Variants in CNGA1 observed in about 807,000 individuals in gnomAD.
CNGA1 encodes cyclic nucleotide gated channel subunit alpha 1, also known as cyclic nucleotide-gated channel alpha-1.
In CNGA1, 53 loss-of-function variants were observed where a neutral mutation model predicts 69.7. The ratio of observed to expected loss-of-function variants is 0.76; its 90% CI spans 0.61 to 0.96. The LOEUF (loss-of-function observed/expected upper bound fraction) is 0.96. Among genes scored for constraint, CNGA1 ranks in the 40% least tolerant of loss-of-function variants. The pLI, the probability that CNGA1 is intolerant of heterozygous loss-of-function variation, is 0.00. For synonymous variants in CNGA1, 249 were observed against 283.5 expected (o/e 0.88, Z 1.22); for missense variants, 739 against 811.2 (o/e 0.91, Z 1.08).
intron 2 of CNGA1, among the ~76,000 whole-genome samples, chr4:48,010,295 C>T (rs1715098275): frequency 6.6e-6 from 1 of 152,176 alleles, no homozygotes; most frequent in African/African-American, 2.4e-5. Flanking sequence ...AACTGGATCT[C>T]TAAGCTCTGG....
chr4:47,940,320 A>G (rs182039425), intron 10 of CNGA1, among the ~76,000 whole-genome samples: 1 of 152,362 alleles, frequency 6.6e-6, no homozygotes, highest in African/African-American at 2.4e-5. Flanking sequence ...CCTCTGGTCA[A>G]TAATATCTCA....
chr4:47,937,935 T>A (rs1738779955), intron 10 of CNGA1, 106 bp from the exon 11 acceptor site: 2 of 806,910 alleles, frequency 2.5e-6, no homozygotes, highest in Non-Finnish European at 4.1e-6. Flanking sequence ...GAAAAATTCA[T>A]TTTCAATAAA....
chr4:47,939,846 A>G (rs560905026), intron 10 of CNGA1, among the ~76,000 whole-genome samples: 1 of 152,280 alleles, frequency 6.6e-6, no homozygotes, highest in East Asian at 1.9e-4. Context: ...CACGCTAGCA[A>G]TGTGCCTAAT....
chr4:47,972,246 C>A (rs1326635736), intron 3 of CNGA1, among the ~76,000 whole-genome samples: 9 of 151,792 alleles, frequency 5.9e-5, no homozygotes, highest in African/African-American at 2.2e-4. Flanking sequence ...TATTTTGTTC[C>A]CCTTTTCTAT....
At chr4:47,949,784 G>T in intron 6 of CNGA1, 49 bp downstream of exon 6, 1 of 1,412,644 alleles carries the variant, frequency 7.1e-7, no homozygotes, top group South Asian at 1.2e-5. Flanking sequence ...CATTTTTACT[G>T]GTTTTCTTTA....
Position 47,937,762 on chromosome 4 carries a change from C to A in CNGA1, c.720G>T (p.Leu240Phe), listed in dbSNP as rs773914693. 6.2e-7 allele frequency: 1 copy of A among 1,613,668 alleles called. No individual in the cohort carries two copies. Among genetic ancestry groups the A allele is most frequent in the Admixed American group, 1.7e-5 (1 of 59,986 alleles). Residue 240 changes from leucine to phenylalanine, a missense_variant, in exon 11 of 11, where the codon TTG becomes TTT. Physicochemically the swap from Leu to Phe is conservative, Grantham distance 22. Coordinates refer to ENST00000514170, the MANE Select transcript of CNGA1 (RefSeq NM_001379270.1). Reference sequence around the variant, plus strand: ...GTGACAGAACATCAAGTTTAAATTGCAAGTTGGATTTATATTTATTTATGA... The same window carrying A: ...GTGACAGAACATCAAGTTTAAATTGAAAGTTGGATTTATATTTATTTATGA... ...LKLINKYKSNLQFKLDVLSLI... is the reference protein window; with the variant it reads ...LKLINKYKSNFQFKLDVLSLI...
intron 3 of CNGA1, among the ~76,000 whole-genome samples, chr4:47,955,343 T>C (rs1808853): frequency 0.86 from 131,004 of 151,852 alleles, 56,992 homozygotes; most frequent in East Asian, 0.98. Context: ...CCACCACGCC[T>C]GGCTAATTTT....
chr4:48,005,034 A>C (rs1312189285), intron 2 of CNGA1, among the ~76,000 whole-genome samples: 1 of 152,206 alleles, frequency 6.6e-6, no homozygotes, highest in Non-Finnish European at 1.5e-5. Flanking sequence ...TAGTTTTTGA[A>C]ACATAATTTT....
intron 3 of CNGA1, among the ~76,000 whole-genome samples, chr4:47,975,069 CAGAA>C (rs1476250215): frequency 2.6e-5 from 4 of 152,044 alleles, no homozygotes; most frequent in Non-Finnish European, 4.4e-5. Context: ...TCTCTAAGTT[CAGAA>C]AGAGAGAACC....
At chr4:47,990,687 T>C (rs2581493) in intron 2 of CNGA1, among the ~76,000 whole-genome samples, 123,737 of 151,946 alleles carry the variant, frequency 0.81, 50,900 homozygotes, top group Non-Finnish European at 0.88. Context: ...GTCACCATCA[T>C]GGTCCTACTA....
intron 6 of CNGA1, among the ~76,000 whole-genome samples, chr4:47,949,198 C>CCCTTGGCTGG (rs1297490857): frequency 1.3e-5 from 2 of 152,178 alleles, no homozygotes; most frequent in Non-Finnish European, 2.9e-5. Flanking sequence ...TTTTTCCTCT[C>CCCTTGGCTGG]CCTTGGCTGG....
At chr4:48,001,486 C>G (rs2077958662) in intron 2 of CNGA1, among the ~76,000 whole-genome samples, 1 of 152,092 alleles carries the variant, frequency 6.6e-6, no homozygotes, top group South Asian at 2.1e-4. Context: ...GCTAATAACA[C>G]AGCTGATTTA....
intron 2 of CNGA1, among the ~76,000 whole-genome samples, chr4:48,005,337 C>T (rs142666133): frequency 1.1e-3 from 173 of 152,094 alleles, no homozygotes; most frequent in Non-Finnish European, 2.0e-3. Context: ...AGGCTGGTCT[C>T]GAACTCCTGA....
chr4:47,982,128 T>C (rs977302781), intron 2 of CNGA1, among the ~76,000 whole-genome samples: 3 of 152,158 alleles, frequency 2.0e-5, no homozygotes, highest in African/African-American at 7.2e-5. Context: ...AACCTAAAAG[T>C]AAATTTCCCT....
chr4:48,012,558 CTTTTTTTT>C (rs528643370), intron 1 of CNGA1, among the ~76,000 whole-genome samples: 38 of 64,988 alleles, frequency 5.8e-4, no homozygotes, highest in Admixed American at 2.7e-3. Context: ...ACCACACCAT[CTTTTTTTT>C]TTTTTTTTTT....
chr4:47,951,412 G>T lies in CNGA1; in HGVS notation c.165C>A (p.Asn55Lys), dbSNP rs762187089. The T allele has an allele frequency of 6.2e-7, 1 of 1,613,886 alleles. No homozygotes were observed. Among genetic ancestry groups the T allele is most frequent in the Non-Finnish European group, 8.5e-7 (1 of 1,179,842 alleles). ...AACTAAAGGAACCCCTTGCATGAGGGTTTTCATTCTCTGATTCTTCAGATG... is the reference window on the plus strand; with the variant it reads ...AACTAAAGGAACCCCTTGCATGAGGTTTTTCATTCTCTGATTCTTCAGATG... ...ASTSEESENE[N>K]PHARGSFSYK... is the part of the protein sequence containing the mutation. Residue 55 changes from asparagine to lysine, a missense_variant, in exon 5 of 11, where the codon AAC becomes AAA. By Grantham distance (94) the Asn-to-Lys change is moderately conservative (BLOSUM62 0). Coordinates refer to ENST00000514170, the MANE Select transcript of CNGA1 (RefSeq NM_001379270.1).
chr4:47,959,207 TATC>T (rs1287498484), intron 3 of CNGA1: 1 of 152,072 alleles, frequency 6.6e-6, no homozygotes, highest in African/African-American at 2.4e-5. Context: ...TCGCAAAAAC[TATC>T]ATGTTTAATT....
At chr4:47,962,116 C>T (rs1445944524) in intron 3 of CNGA1, among the ~76,000 whole-genome samples, 1 of 151,942 alleles carries the variant, frequency 6.6e-6, no homozygotes, top group Non-Finnish European at 1.5e-5. Flanking sequence ...GAGGCCAAGG[C>T]GGGTGGATCA....
In CNGA1 at chr4:47,943,211, T is replaced by G; in HGVS notation, c.407A>C (p.Lys136Thr). 1 of 1,607,636 alleles carries G rather than the reference T, an allele frequency of 6.2e-7. No homozygotes were observed. Among genetic ancestry groups the G allele is most frequent in the Non-Finnish European group, 8.5e-7 (1 of 1,177,324 alleles). Residue 136 changes from lysine to threonine, a missense_variant, in exon 8 of 11, where the codon AAA becomes ACA. By Grantham distance (78) the Lys-to-Thr change is moderately conservative (BLOSUM62 -1). Coordinates refer to ENST00000514170, the MANE Select transcript of CNGA1 (RefSeq NM_001379270.1). ...TTTCTTATCTTTGCTTTTCTCCTCT[T>G]TCTTTTTCTTCTCTTTGTCCTTTTT... ...KKKKDKEKKK[K>T]EEKSKDKKEE...
Sources: gnomAD v4.1 joint callset for allele counts (sites outside exome capture counted in the v4.1 genomes callset) on GRCh38, gnomAD v4.1.1 for gene constraint, MANE v1.5 for transcripts, NCBI Gene and HGNC (gene_info 2026-07-23, HGNC 2026-07-21) for gene names.